The following TRAF3IP3 variants were observed in gnomAD, a reference collection of about 807,000 sequenced individuals.
The protein encoded by TRAF3IP3 is TRAF3 interacting protein 3, also known as TRAF3-interacting JNK-activating modulator.
Under a neutral mutation model 86.5 loss-of-function variants are expected in TRAF3IP3, and 64 were observed. The observed-to-expected ratio is 0.74, with a 90% confidence interval of 0.60 to 0.91. The LOEUF (loss-of-function observed/expected upper bound fraction) is 0.91, where lower values mean the gene tolerates loss of function less well. Among genes scored for constraint, TRAF3IP3 ranks in the 40% least tolerant of loss-of-function variants. The pLI, the probability that TRAF3IP3 is intolerant of heterozygous loss-of-function variation, is 0.00. For missense variants in TRAF3IP3, 579 were observed against 642.9 expected (o/e 0.90, Z 1.07); for synonymous variants, 220 against 243.9 (o/e 0.90, Z 0.91).
intron 14 of TRAF3IP3, chr1:209,779,636 T>G: frequency 1.6e-6 from 1 of 608,992 alleles, no homozygotes; most frequent in Non-Finnish European, 2.9e-6. Context: ...AACATTTCAA[T>G]AAATTTATTT....
chr1:209,773,168 C>A, intron 9 of TRAF3IP3, 149 bp downstream of exon 9: 1 of 658,230 alleles, frequency 1.5e-6, no homozygotes, highest in Non-Finnish European at 2.5e-6. Flanking sequence ...TGGCCATTTA[C>A]ACTTTAGTCT....
chr1:209,780,440 C>A lies in TRAF3IP3; in HGVS notation c.1313-30C>A, dbSNP rs575249785. 23 of 1,523,744 alleles carry A rather than the reference C, an allele frequency of 1.5e-5. No individual in the cohort carries two copies. In the South Asian group the frequency reaches 2.9e-4, roughly 19 times the overall value. 94.4% of individuals were successfully genotyped at this position (1,523,744 alleles called of 1,614,324 possible). On this transcript the variant is annotated intron_variant, in intron 14 of 16. Coordinates refer to ENST00000367025, the MANE Select transcript of TRAF3IP3 (RefSeq NM_025228.4). Reference sequence around the variant, plus strand: ...CCCTTCCTCAGAGGTGTGGGCCTCACTGTCACCAAGAATCTGGCTGCTTTT... The same window carrying A: ...CCCTTCCTCAGAGGTGTGGGCCTCAATGTCACCAAGAATCTGGCTGCTTTT...
Position 209,778,157 on chromosome 1 carries a change from A to G in TRAF3IP3, c.1236A>G (p.Arg412=). 2 of 1,614,094 alleles carry G rather than the reference A, an allele frequency of 1.2e-6. No individual in the cohort carries two copies. The highest frequency in any genetic ancestry group is 1.7e-6 in the Non-Finnish European group (2 of 1,179,932). ...CAGAGAAACTCACCCTGGTGACCAG[A>G]GTACAGCAGTTGCAGGGTAAGTTCG... ...SEAEKLTLVT[R]VQQLQGLLQN... Residue 412 remains arginine (R), a synonymous_variant, in exon 13 of 17, where the codon AGA becomes AGG. Coordinates refer to ENST00000367025, the MANE Select transcript of TRAF3IP3 (RefSeq NM_025228.4).
intron 11 of TRAF3IP3, 193 bp downstream of exon 11, chr1:209,775,929 T>G: frequency 1.8e-6 from 1 of 544,264 alleles, no homozygotes; most frequent in Non-Finnish European, 3.2e-6. Context: ...CAAGGATGTC[T>G]GCATTGCTCA....
At chr1:209,766,291 T>C (rs760477734) in intron 8 of TRAF3IP3, among the ~76,000 whole-genome samples, 2 of 152,172 alleles carry the variant, frequency 1.3e-5, no homozygotes, top group African/African-American at 4.8e-5. Flanking sequence ...CGTGAGGTGG[T>C]TTCTGGTCCT....
intron 8 of TRAF3IP3, among the ~76,000 whole-genome samples, chr1:209,771,502 G>GGTGT (rs139927430): frequency 3.0e-5 from 4 of 131,400 alleles, no homozygotes; most frequent in East Asian, 2.4e-4. Context: ...TGCATGTGAA[G>GGTGT]GTGTGTGTGA....
Position 209,760,396 on chromosome 1 carries a change from C to T in TRAF3IP3, c.345+12C>T. On this transcript the variant is annotated intron_variant, in intron 3 of 16. Transcript: ENST00000367025. ...CTCCCAGAGAGCAGGTGGGCCGTGT[C>T]AAGGGACATACTGCTGTGTGCTCTG... The T allele has an allele frequency of 6.4e-7, 1 of 1,565,340 alleles. No homozygotes were observed. Among genetic ancestry groups the T allele is most frequent in the Non-Finnish European group, 8.7e-7 (1 of 1,154,604 alleles).
chr1:209,773,952 TG>T (rs1457243597), intron 9 of TRAF3IP3, among the ~76,000 whole-genome samples: 2 of 152,372 alleles, frequency 1.3e-5, no homozygotes, highest in East Asian at 1.9e-4. Flanking sequence ...GGTTAATTCC[TG>T]GATCTGGTTT....
chr1:209,780,689 A>C, intron 15 of TRAF3IP3, 83 bp downstream of exon 15: 2 of 1,341,350 alleles, frequency 1.5e-6, no homozygotes, highest in Non-Finnish European at 2.0e-6. Flanking sequence ...CAGGGATTTC[A>C]AAGTTTAAGT....
chr1:209,774,209 G>A (rs2077605372), intron 9 of TRAF3IP3, among the ~76,000 whole-genome samples: 1 of 152,214 alleles, frequency 6.6e-6, no homozygotes, highest in African/African-American at 2.4e-5. Flanking sequence ...CTGCGCTTGT[G>A]TCTCCTTAAT....
intron 12 of TRAF3IP3, chr1:209,777,716 C>CT: frequency 7.8e-6 from 4 of 512,434 alleles, no homozygotes; most frequent in Admixed American, 3.6e-5. Context: ...TCTGAGCTCT[C>CT]TTTTTTAGCC....
chr1:209,771,446 T>TAC (rs2077518851), intron 8 of TRAF3IP3, among the ~76,000 whole-genome samples: 1 of 122,398 alleles, frequency 8.2e-6, no homozygotes, highest in Non-Finnish European at 1.6e-5. Flanking sequence ...CATGTGGAGG[T>TAC]GTGTGTGCAT....
intron 8 of TRAF3IP3, among the ~76,000 whole-genome samples, chr1:209,770,761 G>T (rs1188841417): frequency 7.4e-6 from 1 of 135,678 alleles, no homozygotes; most frequent in African/African-American, 2.8e-5. Context: ...GCAGGTGGAG[G>T]TGTGCGTGTG....
intron 1 of TRAF3IP3, among the ~76,000 whole-genome samples, chr1:209,757,872 C>A (rs1159445404): frequency 6.6e-6 from 1 of 152,198 alleles, no homozygotes; most frequent in African/African-American, 2.4e-5. Context: ...TCCTTATAAC[C>A]TACAAGGCAG....
intron 13 of TRAF3IP3, chr1:209,779,110 A>G (rs547317274): frequency 6.7e-6 from 4 of 593,664 alleles, no homozygotes; most frequent in African/African-American, 3.7e-5. Context: ...TAACTTGATT[A>G]TCTTTTAAAG....
Position 209,777,524 on chromosome 1 carries a change from C to T in TRAF3IP3, c.1189+37C>T, listed in dbSNP as rs2077683212. ...CTTGGAGGCCTTGAGTGCATGGCAG[C>T]CATGGCCAAGTGAGCTAAGAAAAAA... On this transcript the variant is annotated intron_variant, in intron 12 of 16. Coordinates refer to ENST00000367025, the MANE Select transcript of TRAF3IP3 (RefSeq NM_025228.4). The T allele has an allele frequency of 3.9e-6, 6 of 1,535,486 alleles. No homozygotes were observed. In the East Asian group the frequency reaches 1.2e-4, roughly 30 times the overall value.
intron 8 of TRAF3IP3, among the ~76,000 whole-genome samples, chr1:209,771,063 GGT>G (rs541860748): frequency 4.4e-5 from 5 of 112,416 alleles, no homozygotes; most frequent in Non-Finnish European, 8.8e-5. Flanking sequence ...TGCATGTGGA[GGT>G]GTGTGTGCAG....
At chr1:209,780,423 C>T (rs765362332) in intron 14 of TRAF3IP3, 47 bp from the exon 15 acceptor site, 14 of 1,465,656 alleles carry the variant, frequency 9.6e-6, no homozygotes, top group Non-Finnish European at 1.2e-5. Context: ...GGCCCTTCCT[C>T]AGAGGTGTGG....
chr1:209,780,360 A>ATGC (rs1457471986), intron 14 of TRAF3IP3, 110 bp from the exon 15 acceptor site: 2 of 1,054,190 alleles, frequency 1.9e-6, no homozygotes, highest in Non-Finnish European at 2.6e-6. Flanking sequence ...AGCCAAGAGC[A>ATGC]CGCCCTCCCA....
Sources: allele counts gnomAD v4.1 joint callset (sites outside exome capture counted in the v4.1 genomes callset), GRCh38; gene constraint gnomAD v4.1.1; transcripts MANE v1.5; gene names NCBI Gene and HGNC (gene_info 2026-07-23, HGNC 2026-07-21).